The following TBC1D9 variants were observed in gnomAD, a reference collection of about 807,000 sequenced individuals.
TBC1D9 encodes TBC1 domain family member 9A.
Under a neutral mutation model 132.0 loss-of-function variants are expected in TBC1D9, and 63 were observed. That is an observed-to-expected ratio of 0.48 (90% CI 0.39 to 0.59). The LOEUF is 0.59. Among genes scored for constraint, TBC1D9 ranks in the 20% least tolerant of loss-of-function variants. The pLI is 0.00. For missense variants in TBC1D9, 1,261 were observed against 1,592.7 expected (o/e 0.79, Z 3.54); for synonymous variants, 610 against 609.9 (o/e 1.00, Z 0.00).
At chr4:140,651,375 A>T (rs1301463729) in intron 13 of TBC1D9, among the ~76,000 whole-genome samples, 1 of 152,184 alleles carries the variant, frequency 6.6e-6, no homozygotes, top group Non-Finnish European at 1.5e-5. Context: ...AGCTGGAAGG[A>T]TGGCTTGAGC....
At chr4:140,677,190 C>A in intron 5 of TBC1D9, 89 bp from the exon 6 acceptor site, 1 of 1,476,314 alleles carries the variant, frequency 6.8e-7, no homozygotes, top group Non-Finnish European at 9.3e-7. Flanking sequence ...AGCCCATTTT[C>A]CACCTCCTCA....
chr4:140,641,105 C>CAAAA (rs1038335139), intron 13 of TBC1D9, among the ~76,000 whole-genome samples: 7 of 59,780 alleles, frequency 1.2e-4, no homozygotes, highest in Admixed American at 8.0e-4. Context: ...AAAAAAAAAA[C>CAAAA]AAAAAAAAAC....
intron 1 of TBC1D9, among the ~76,000 whole-genome samples, chr4:140,720,373 G>A (rs1226505969): frequency 2.0e-5 from 3 of 152,212 alleles, no homozygotes; most frequent in African/African-American, 7.2e-5. Flanking sequence ...GACAACAGGA[G>A]CAGAAGACCA....
chr4:140,721,771 G>C (rs958166344), intron 1 of TBC1D9, among the ~76,000 whole-genome samples: 3 of 152,106 alleles, frequency 2.0e-5, no homozygotes, highest in African/African-American at 7.2e-5. Context: ...CTTCCTGCTG[G>C]TTTTATTAAT....
chr4:140,684,252 A>C (rs932277808), intron 3 of TBC1D9, among the ~76,000 whole-genome samples: 1 of 151,968 alleles, frequency 6.6e-6, no homozygotes, highest in African/African-American at 2.4e-5. Context: ...AAAAAAAAAA[A>C]AAAGTTAAGA....
chr4:140,639,288 G>C (rs754535252), intron 14 of TBC1D9, 42 bp downstream of exon 14: 2 of 1,527,650 alleles, frequency 1.3e-6, no homozygotes, highest in Non-Finnish European at 1.8e-6. Flanking sequence ...GTGTGAAGAA[G>C]GAAGATGACA....
In TBC1D9 at chr4:140,634,496, C is replaced by T. The variant is rs188950566; in HGVS notation, c.2506-308G>A. Among the ~76,000 whole-genome samples, 170 of 152,214 alleles carry T rather than the reference C, an allele frequency of 1.1e-3. 2 individuals are homozygous for T. Among genetic ancestry groups the T allele is most frequent in the African/African-American group, 3.8e-3 (157 of 41,526 alleles). The stretch of plus-strand genomic sequence containing the variant: ...TTCTCTTCCCCCTTACCTACACACT[C>T]ACATACATTTTAGAACTAACTCCCA... On this transcript the variant is annotated intron_variant, in intron 15 of 20. Transcript: ENST00000442267.
At chr4:140,671,674 C>CTGTGTGTGTGTG (rs34072180) in intron 6 of TBC1D9, among the ~76,000 whole-genome samples, 1,703 of 141,786 alleles carry the variant, frequency 0.012, 49 homozygotes, top group African/African-American at 0.042. Context: ...AACTACCAGA[C>CTGTGTGTGTGTG]TGTGTGTGTG....
chr4:140,683,614 C>T (rs2111022210), intron 3 of TBC1D9, among the ~76,000 whole-genome samples: 1 of 152,198 alleles, frequency 6.6e-6, no homozygotes, highest in African/African-American at 2.4e-5. Context: ...AGGTAATTTA[C>T]AAAAAGGAGA....
chr4:140,702,850 A>T (rs980484077), intron 1 of TBC1D9, among the ~76,000 whole-genome samples: 1 of 152,216 alleles, frequency 6.6e-6, no homozygotes, highest in Non-Finnish European at 1.5e-5. Flanking sequence ...CATGGAACCC[A>T]GTATAGAGCA....
intron 1 of TBC1D9, among the ~76,000 whole-genome samples, chr4:140,707,174 T>TACATTTCTCTGTA (rs1738162227): frequency 6.6e-6 from 1 of 152,056 alleles, no homozygotes; most frequent in Non-Finnish European, 1.5e-5. Flanking sequence ...AAATGGTACC[T>TACATTTCTCTGTA]GTTTGTTAGT....
chr4:140,624,278 G>C, intron 19 of TBC1D9, 36 bp downstream of exon 19: 1 of 1,611,408 alleles, frequency 6.2e-7, no homozygotes, highest in Non-Finnish European at 8.5e-7. Flanking sequence ...TGTACAACCA[G>C]CAAGAAGGTA....
intron 13 of TBC1D9, chr4:140,643,554 T>C: frequency 1.1e-6 from 1 of 883,258 alleles, no homozygotes; most frequent in Non-Finnish European, 1.8e-6. Flanking sequence ...GTCTGACATT[T>C]CTAGGCTGGG....
At chr4:140,646,553 A>G (rs1027570015) in intron 13 of TBC1D9, among the ~76,000 whole-genome samples, 11 of 152,336 alleles carry the variant, frequency 7.2e-5, no homozygotes, top group African/African-American at 2.6e-4. Flanking sequence ...CACTCTATAG[A>G]TCAGTCTGTG....
intron 1 of TBC1D9, among the ~76,000 whole-genome samples, chr4:140,736,268 C>T (rs1005173241): frequency 2.0e-5 from 3 of 152,000 alleles, no homozygotes; most frequent in East Asian, 1.9e-4. Context: ...CATCTGGACA[C>T]GATGGCTCAC....
intron 3 of TBC1D9, among the ~76,000 whole-genome samples, chr4:140,681,325 C>G (rs936010903): frequency 2.0e-5 from 3 of 152,174 alleles, no homozygotes; most frequent in African/African-American, 7.2e-5. Flanking sequence ...CTTTTCCCCC[C>G]ACATGAAGTA....
intron 1 of TBC1D9, among the ~76,000 whole-genome samples, chr4:140,728,852 C>A (rs966779425): frequency 6.6e-6 from 1 of 152,024 alleles, no homozygotes; most frequent in South Asian, 2.1e-4. Context: ...TTAGTAGAGA[C>A]GGTGTTTCAC....
chr4:140,652,586 GCA>G (rs1737203027), intron 13 of TBC1D9, among the ~76,000 whole-genome samples: 3 of 152,112 alleles, frequency 2.0e-5, no homozygotes, highest in African/African-American at 7.2e-5. Context: ...TGGCTTTAAT[GCA>G]AGGGAGCTCT....
chr4:140,638,517 A>G (rs1578817588), intron 15 of TBC1D9, among the ~76,000 whole-genome samples: 1 of 151,704 alleles, frequency 6.6e-6, no homozygotes, highest in Non-Finnish European at 1.5e-5. Flanking sequence ...AAGAAAAAAA[A>G]AAAGAAAAAA....
Sources: allele counts gnomAD v4.1 joint callset (sites outside exome capture counted in the v4.1 genomes callset), GRCh38; gene constraint gnomAD v4.1.1; transcripts MANE v1.5; gene names NCBI Gene and HGNC (gene_info 2026-07-23, HGNC 2026-07-21).